Variants in MYRIP observed in about 807,000 individuals in gnomAD.
MYRIP encodes the protein myosin VIIA and Rab interacting protein.
A neutral mutation model predicts 98.0 loss-of-function variants in MYRIP; 49 were observed. That is an observed-to-expected ratio of 0.50 (90% CI 0.40 to 0.63). MYRIP has a LOEUF of 0.63. MYRIP is among the 30% of genes least tolerant of loss of function. The probability of loss-of-function intolerance (pLI) is 0.00; values close to 1 mark genes in which losing one functional copy is unlikely to be tolerated. For missense variants in MYRIP, 1,004 were observed against 1,058.2 expected (o/e 0.95, Z 0.71); for synonymous variants, 404 against 409.5 (o/e 0.99, Z 0.16).
chr3:39,968,858 A>G (rs1041327859), intron 2 of MYRIP, among the ~76,000 whole-genome samples: 4 of 152,044 alleles, frequency 2.6e-5, no homozygotes, highest in Non-Finnish European at 4.4e-5. Context: ...CTAGTTCTAC[A>G]AAGAATGTCA....
intron 3 of MYRIP, among the ~76,000 whole-genome samples, chr3:40,137,867 A>G (rs1378982253): frequency 2.0e-5 from 3 of 152,160 alleles, no homozygotes; most frequent in Non-Finnish European, 4.4e-5. Flanking sequence ...GGAAGTTTCA[A>G]TGGGAAGATG....
At position 39,928,145 on chromosome 3, in the gene MYRIP, A is replaced by G. The variant is rs75448476; in HGVS notation, c.110+27219A>G. 2.0e-3 allele frequency among the ~76,000 whole-genome samples: 307 copies of G among 152,142 alleles called. 1 individual carries two copies. Among genetic ancestry groups the G allele is most frequent in the Non-Finnish European group, 2.8e-3 (188 of 67,914 alleles). ...TAACTCACTCAATATAAAATAGATT[A>G]TTTCAGTAGCCTTATAACTATTAAA... On this transcript the variant is annotated intron_variant, in intron 2 of 16. Transcript: ENST00000302541.
At chr3:39,980,211 A>T (rs1269104349) in intron 2 of MYRIP, among the ~76,000 whole-genome samples, 8 of 152,196 alleles carry the variant, frequency 5.3e-5, no homozygotes, top group Non-Finnish European at 1.2e-4. Flanking sequence ...GTGGTCTCAG[A>T]TGAATGGAGC....
intron 2 of MYRIP, among the ~76,000 whole-genome samples, chr3:40,015,869 T>C (rs560861179): frequency 7.5e-4 from 114 of 152,346 alleles, no homozygotes; most frequent in Middle Eastern, 3.4e-3. Flanking sequence ...AAAGTTTATC[T>C]CACAAACCAC....
intron 2 of MYRIP, among the ~76,000 whole-genome samples, chr3:40,000,550 G>C (rs1342071607): frequency 6.6e-6 from 1 of 152,170 alleles, no homozygotes. Flanking sequence ...GAAATGCCCA[G>C]AGCTAGCCCT....
At chr3:40,086,200 T>C (rs1948622543) in intron 3 of MYRIP, among the ~76,000 whole-genome samples, 1 of 152,210 alleles carries the variant, frequency 6.6e-6, no homozygotes, top group South Asian at 2.1e-4. Flanking sequence ...TTACAAACTT[T>C]TGGAAAGTTC....
chr3:40,084,390 TAG>T lies in MYRIP; in HGVS notation c.332+40121_332+40122del, dbSNP rs1433934997. ...TACACATCTATGTATTATATATCGATAGATAATACACATCTATGTATTATCTA... is the reference window on the plus strand; with the variant it reads ...TACACATCTATGTATTATATATCGATATAATACACATCTATGTATTATCTA... On this transcript the variant is annotated intron_variant, in intron 3 of 16. Transcript: ENST00000302541. Among the ~76,000 whole-genome samples the T allele has an allele frequency of 1.6e-3, 226 of 140,230 alleles. 2 individuals carry two copies. The highest frequency in any genetic ancestry group is 3.5e-3 in the East Asian group (16 of 4,518). The allele number at this position is 140,230 out of a possible 152,430, so 92.0% of individuals were successfully genotyped here. A position where few individuals can be genotyped will look rare whatever the true frequency, so the allele number is the denominator to read the frequency against.
At chr3:40,137,370 G>T (rs565490903) in intron 3 of MYRIP, among the ~76,000 whole-genome samples, 1,689 of 152,212 alleles carry the variant, frequency 0.011, 23 homozygotes, top group African/African-American at 0.037. Flanking sequence ...AATAACAGGA[G>T]CTGAAATTGT....
intron 10 of MYRIP, among the ~76,000 whole-genome samples, chr3:40,198,788 G>T (rs2693478): frequency 0.79 from 120,839 of 152,104 alleles, 50,214 homozygotes; most frequent in Middle Eastern, 0.93. Context: ...TAAAAATATG[G>T]TAAGAGTCTT....
intron 3 of MYRIP, among the ~76,000 whole-genome samples, chr3:40,103,522 G>T (rs972996926): frequency 2.2e-4 from 34 of 152,220 alleles, no homozygotes; most frequent in African/African-American, 8.2e-4. Context: ...ACTTTGGGAG[G>T]CCAAGGTGGG....
chr3:40,203,705 T>G (rs1480582944), intron 10 of MYRIP, among the ~76,000 whole-genome samples: 1 of 120,500 alleles, frequency 8.3e-6, no homozygotes, highest in African/African-American at 3.2e-5. Context: ...ATTTTTATAT[T>G]TTATATATTT....
At chr3:39,942,077 C>G (rs1944797867) in intron 2 of MYRIP, among the ~76,000 whole-genome samples, 1 of 152,134 alleles carries the variant, frequency 6.6e-6, no homozygotes, top group African/African-American at 2.4e-5. Context: ...TGCTGTTTGG[C>G]AAGGGCTCTT....
intron 16 of MYRIP, among the ~76,000 whole-genome samples, chr3:40,253,769 G>A (rs891957315): frequency 7.9e-5 from 12 of 152,200 alleles, no homozygotes; most frequent in Non-Finnish European, 1.5e-4. Flanking sequence ...GGTTCGTTTA[G>A]CAGTAGGGAC....
chr3:39,867,995 C>G (rs1942674301), intron 1 of MYRIP, among the ~76,000 whole-genome samples: 1 of 151,974 alleles, frequency 6.6e-6, no homozygotes, highest in Non-Finnish European at 1.5e-5. Flanking sequence ...GAGGGGAATC[C>G]TTCTCTCTCA....
chr3:39,937,510 T>C (rs1429012374), intron 2 of MYRIP, among the ~76,000 whole-genome samples: 1 of 152,174 alleles, frequency 6.6e-6, no homozygotes, highest in Admixed American at 6.5e-5. Context: ...ACCTGGTCCT[T>C]GTATATTTGA....
intron 1 of MYRIP, among the ~76,000 whole-genome samples, chr3:39,825,229 G>T (rs1023438047): frequency 2.0e-5 from 3 of 152,098 alleles, no homozygotes; most frequent in African/African-American, 7.2e-5. Flanking sequence ...CCAGTACTAT[G>T]TTGAATAAAA....
chr3:40,080,236 GT>G (rs1462532966), intron 3 of MYRIP, among the ~76,000 whole-genome samples: 4 of 152,070 alleles, frequency 2.6e-5, no homozygotes, highest in African/African-American at 9.7e-5. Context: ...ATATTAATTA[GT>G]TTTCTAAAAA....
chr3:40,212,257 T>TACAC (rs112664910), intron 11 of MYRIP, among the ~76,000 whole-genome samples: 43,109 of 91,468 alleles, frequency 0.47, 14,756 homozygotes, highest in East Asian at 0.71. Flanking sequence ...TATATATATA[T>TACAC]ACACGTATAT....
At chr3:39,962,625 G>T (rs1356758065) in intron 2 of MYRIP, among the ~76,000 whole-genome samples, 1 of 152,044 alleles carries the variant, frequency 6.6e-6, no homozygotes, top group Non-Finnish European at 1.5e-5. Flanking sequence ...AGATTCAAGG[G>T]CTGTAGTGCA....
Sources: allele counts gnomAD v4.1 joint callset (sites outside exome capture counted in the v4.1 genomes callset), GRCh38; gene constraint gnomAD v4.1.1; transcripts MANE v1.5; gene names NCBI Gene and HGNC (gene_info 2026-07-23, HGNC 2026-07-21).